ATP13A4: variants seen among roughly 807,000 people sequenced by gnomAD.
ATP13A4 encodes ATPase 13A4, also known as probable cation-transporting ATPase 13A4.
In ATP13A4, 114 loss-of-function variants were observed where a neutral mutation model predicts 142.5. The ratio of observed to expected loss-of-function variants is 0.80; its 90% CI spans 0.69 to 0.93. The LOEUF (loss-of-function observed/expected upper bound fraction) is 0.93, where lower values mean the gene tolerates loss of function less well. Among genes scored for constraint, ATP13A4 ranks in the 40% least tolerant of loss-of-function variants. ATP13A4 has a pLI of 0.00. For synonymous variants in ATP13A4, 488 were observed against 514.8 expected, an observed-to-expected ratio of 0.95 and a Z score of 0.70; for missense variants, 1,392 against 1,454.0, an observed-to-expected ratio of 0.96 and a Z score of 0.69.
At chr3:193,565,561 A>C (rs2108738687) in intron 2 of ATP13A4, among the ~76,000 whole-genome samples, 1 of 152,266 alleles carries the variant, frequency 6.6e-6, no homozygotes, top group Non-Finnish European at 1.5e-5. Flanking sequence ...AACCTCTGCT[A>C]CTCAATTAAG....
At chr3:193,548,298 C>T (rs546835445) in intron 1 of ATP13A4, among the ~76,000 whole-genome samples, 7 of 152,198 alleles carry the variant, frequency 4.6e-5, no homozygotes, top group South Asian at 2.1e-4. Context: ...CTATCATGCC[C>T]GGAGTTTTTG....
At chr3:193,414,098 C>T (rs1168873843) in intron 26 of ATP13A4, among the ~76,000 whole-genome samples, 2 of 152,152 alleles carry the variant, frequency 1.3e-5, no homozygotes, top group Admixed American at 6.5e-5. Flanking sequence ...CCAGCAGACA[C>T]TTAGGGAAAT....
At chr3:193,496,529 G>A (rs921615790) in intron 3 of ATP13A4, among the ~76,000 whole-genome samples, 5 of 152,288 alleles carry the variant, frequency 3.3e-5, no homozygotes, top group African/African-American at 1.2e-4. Context: ...AGTGGCTCAT[G>A]CCTGTAATCC....
intron 1 of ATP13A4, among the ~76,000 whole-genome samples, chr3:193,522,513 G>C (rs889236091): frequency 5.9e-5 from 9 of 152,140 alleles, no homozygotes; most frequent in African/African-American, 2.2e-4. Flanking sequence ...CCAGCCAGTA[G>C]GTAAGAGAGC....
intron 2 of ATP13A4, among the ~76,000 whole-genome samples, chr3:193,571,861 A>G (rs1192272107): frequency 1.3e-5 from 2 of 152,154 alleles, no homozygotes; most frequent in East Asian, 3.8e-4. Flanking sequence ...GAAATAAAAT[A>G]ATAATAATAA....
intron 2 of ATP13A4, among the ~76,000 whole-genome samples, chr3:193,569,152 G>C (rs1724203919): frequency 6.6e-6 from 1 of 152,218 alleles, no homozygotes; most frequent in South Asian, 2.1e-4. Flanking sequence ...GTCATGCTGA[G>C]AGTGTGTTAT....
intron 28 of ATP13A4, among the ~76,000 whole-genome samples, chr3:193,408,119 GC>G (rs1351214571): frequency 6.6e-6 from 1 of 152,252 alleles, no homozygotes; most frequent in Admixed American, 6.5e-5. Flanking sequence ...ATGAAAAAGT[GC>G]CAAGGGCATC....
chr3:193,585,970 GT>G (rs1443564076), intron 1 of ATP13A4, among the ~76,000 whole-genome samples: 1 of 152,032 alleles, frequency 6.6e-6, no homozygotes, highest in Non-Finnish European at 1.5e-5. Flanking sequence ...GACAGTTCTG[GT>G]TGCTCCACAT....
chr3:193,550,842 T>C (rs1487815639), intron 1 of ATP13A4, among the ~76,000 whole-genome samples: 3 of 152,190 alleles, frequency 2.0e-5, no homozygotes, highest in African/African-American at 7.2e-5. Flanking sequence ...AAAAGATTGA[T>C]TGTGTTAAGG....
chr3:193,496,900 C>A (rs1176113080), intron 3 of ATP13A4, among the ~76,000 whole-genome samples: 1 of 151,954 alleles, frequency 6.6e-6, no homozygotes, highest in Non-Finnish European at 1.5e-5. Context: ...TGTATCTTAC[C>A]ATACACAAAA....
At chr3:193,580,570 T>G (rs1167191931) in intron 2 of ATP13A4, among the ~76,000 whole-genome samples, 1 of 152,146 alleles carries the variant, frequency 6.6e-6, no homozygotes, top group African/African-American at 2.4e-5. Flanking sequence ...CCATGCAGAA[T>G]TACTCAAAGC....
intron 8 of ATP13A4, 142 bp downstream of exon 8, chr3:193,483,794 T>A: frequency 1.2e-5 from 9 of 757,174 alleles, no homozygotes; most frequent in Non-Finnish European, 1.7e-5. Flanking sequence ...AAAAAAAAAC[T>A]TAAGTTCCTC....
intron 8 of ATP13A4, among the ~76,000 whole-genome samples, chr3:193,474,821 C>T (rs1208883706): frequency 6.6e-6 from 1 of 151,850 alleles, no homozygotes; most frequent in East Asian, 1.9e-4. Context: ...GGGTCATGAT[C>T]ATGGAGCTAC....
At chr3:193,448,131 A>T (rs571765869) in intron 18 of ATP13A4, 75 bp downstream of exon 18, 1 of 1,593,372 alleles carries the variant, frequency 6.3e-7, no homozygotes, top group African/African-American at 1.3e-5. Context: ...AGTCAACAAC[A>T]TTTATTAAAT....
At chr3:193,474,322 C>CAAAAAAA (rs1176133187) in intron 8 of ATP13A4, among the ~76,000 whole-genome samples, 17 of 69,068 alleles carry the variant, frequency 2.5e-4, no homozygotes, top group Non-Finnish European at 2.8e-4. Flanking sequence ...GACTCCGTCT[C>CAAAAAAA]AAAAAAAAAA....
intron 25 of ATP13A4, among the ~76,000 whole-genome samples, chr3:193,428,935 T>TATA (rs554396499): frequency 6.6e-5 from 10 of 151,268 alleles, no homozygotes; most frequent in East Asian, 1.9e-4. Context: ...GAACTTAAGG[T>TATA]ATAATAATAA....
At chr3:193,451,724 A>G (rs1291276311) in intron 17 of ATP13A4, among the ~76,000 whole-genome samples, 1 of 152,228 alleles carries the variant, frequency 6.6e-6, no homozygotes, top group African/African-American at 2.4e-5. Flanking sequence ...AAAGGATGAA[A>G]TATGCATGAA....
intron 25 of ATP13A4, among the ~76,000 whole-genome samples, chr3:193,428,078 T>G (rs1398556417): frequency 2.0e-5 from 3 of 151,694 alleles, no homozygotes; most frequent in Admixed American, 2.0e-4. Flanking sequence ...TACAAAGAAC[T>G]CAAACAAATT....
In ATP13A4 at chr3:193,401,379, C is replaced by G. The variant is rs181623555; in HGVS notation, c.*1273G>C. ...GGACAATTTTAGTTTTCTGGAAACTCAAGCCACAAACTTTAAAAAAAAAAT... is the reference window on the plus strand; with the variant it reads ...GGACAATTTTAGTTTTCTGGAAACTGAAGCCACAAACTTTAAAAAAAAAAT... On this transcript the variant is annotated 3_prime_UTR_variant, in exon 30 of 30. Coordinates refer to ENST00000342695, the MANE Select transcript of ATP13A4 (RefSeq NM_032279.4). 5.5e-3 allele frequency among the ~76,000 whole-genome samples: 831 copies of G among 152,024 alleles called. 12 individuals carry two copies. Among genetic ancestry groups the G allele is most frequent in the Middle Eastern group, 0.024 (7 of 294 alleles).
Sources: allele counts gnomAD v4.1 joint callset (sites outside exome capture counted in the v4.1 genomes callset), GRCh38; gene constraint gnomAD v4.1.1; transcripts MANE v1.5; gene names NCBI Gene and HGNC (gene_info 2026-07-23, HGNC 2026-07-21).